Variants in PVT1 observed in about 807,000 individuals in gnomAD.
PVT1 encodes CXCR4/PVT1 fusion.
At position 127,960,559 on chromosome 8, in the gene PVT1, G is replaced by T. The variant is rs537762069; in HGVS notation, n.783-28603G>T. The T allele has an allele frequency of 6.7e-5, 26 of 385,330 alleles. 1 individual carries two copies. The highest frequency in any genetic ancestry group is 5.5e-4 in the South Asian group (26 of 47,594). 23.9% of individuals were successfully genotyped at this position (385,330 alleles called of 1,614,324 possible). A position where few individuals can be genotyped will look rare whatever the true frequency, so the allele number is the denominator to read the frequency against. ...TCAGTTGGTGGGAGATAGGATCTTT[G>T]TGGCCTTCTGGATGGATGCACCACG... On this transcript the variant is annotated intron_variant and non_coding_transcript_variant, in intron 3 of 10. Coordinates refer to ENST00000651587, the Ensembl canonical transcript of PVT1.
chr8:128,068,970 T>A (rs1159738057), intron 4 of PVT1, among the ~76,000 whole-genome samples: 1 of 152,256 alleles, frequency 6.6e-6, no homozygotes, highest in Admixed American at 6.5e-5. Context: ...ATGAGAAAGC[T>A]GTGTGACAAA....
intron 2 of PVT1, among the ~76,000 whole-genome samples, chr8:127,855,917 G>C (rs1332433937): frequency 6.6e-6 from 1 of 152,192 alleles, no homozygotes; most frequent in Non-Finnish European, 1.5e-5. Context: ...AGCGTCCCCT[G>C]GTCATGCCCC....
At chr8:127,839,591 A>T (rs552805813) in intron 2 of PVT1, among the ~76,000 whole-genome samples, 85 of 151,008 alleles carry the variant, frequency 5.6e-4, no homozygotes, top group African/African-American at 8.7e-4. Flanking sequence ...AAAATAAAAA[A>T]AAATAAATAA....
At chr8:128,000,544 C>T (rs182524582) in intron 4 of PVT1, among the ~76,000 whole-genome samples, 42 of 152,354 alleles carry the variant, frequency 2.8e-4, no homozygotes, top group African/African-American at 8.9e-4. Context: ...TCTGTGGCTG[C>T]TGATTATGGC....
At chr8:127,886,990 T>G (rs1332018324) in intron 2 of PVT1, among the ~76,000 whole-genome samples, 1 of 152,206 alleles carries the variant, frequency 6.6e-6, no homozygotes, top group African/African-American at 2.4e-5. Context: ...TTCAGTAATC[T>G]AAGACTTCAA....
At chr8:128,087,735 C>A (rs937764163) in intron 5 of PVT1, among the ~76,000 whole-genome samples, 5 of 146,388 alleles carry the variant, frequency 3.4e-5, no homozygotes, top group African/African-American at 1.3e-4. Flanking sequence ...TGCTGACATT[C>A]CTGATGTGCT....
In PVT1 at chr8:128,014,802, A is replaced by T. The variant is rs1480481013; in HGVS notation, n.912+25511A>T. ...AATGTGGACAGGAAAGCTAATGACA[A>T]ATGCAACTGGCTTATTTCTGGAGTG... On this transcript the variant is annotated intron_variant and non_coding_transcript_variant, in intron 4 of 10. Transcript: ENST00000651587. Among the ~76,000 whole-genome samples, 6 of 152,232 alleles carry T rather than the reference A, an allele frequency of 3.9e-5. No homozygotes were observed. In the East Asian group the frequency reaches 1.2e-3, roughly 29 times the overall value.
intron 2 of PVT1, among the ~76,000 whole-genome samples, chr8:127,889,037 TTTCTTCCTTCCTTCCTTC>T (rs1815563476): frequency 9.7e-4 from 28 of 28,870 alleles, no homozygotes; most frequent in Admixed American, 4.6e-3. Context: ...TCTCTCTTTC[TTTCTTCCTTCCTTCCTTC>T]CTTCCTTCCT....
chr8:127,872,006 C>G (rs1815356645), intron 2 of PVT1, among the ~76,000 whole-genome samples: 3 of 152,230 alleles, frequency 2.0e-5, no homozygotes, highest in Admixed American at 2.0e-4. Flanking sequence ...GCAGGAGAAT[C>G]ACTTGAAGCC....
chr8:128,043,049 C>A (rs1813564984), intron 4 of PVT1, among the ~76,000 whole-genome samples: 1 of 152,132 alleles, frequency 6.6e-6, no homozygotes, highest in Admixed American at 6.5e-5. Flanking sequence ...CAGGCGTGAG[C>A]CACTGTGCTC....
intron 4 of PVT1, among the ~76,000 whole-genome samples, chr8:128,004,532 A>G (rs1324946439): frequency 6.6e-6 from 1 of 152,070 alleles, no homozygotes; most frequent in Non-Finnish European, 1.5e-5. Flanking sequence ...CCGTTTTCCT[A>G]TTTGTAAAAT....
intron 4 of PVT1, among the ~76,000 whole-genome samples, chr8:128,035,056 T>C (rs1020162278): frequency 4.6e-5 from 7 of 151,994 alleles, no homozygotes; most frequent in African/African-American, 1.7e-4. Context: ...CAGGCAGGGG[T>C]AGGGGGCAAT....
chr8:127,972,442 A>G (rs917103350), intron 3 of PVT1, among the ~76,000 whole-genome samples: 2 of 152,204 alleles, frequency 1.3e-5, no homozygotes, highest in African/African-American at 4.8e-5. Flanking sequence ...TGCTTGAGTT[A>G]GATGTGCCCC....
chr8:128,070,483 G>A (rs1475721595), intron 5 of PVT1: 2 of 152,152 alleles, frequency 1.3e-5, no homozygotes, highest in African/African-American at 4.8e-5. Context: ...CTCTGTCCTC[G>A]CCAGCACCTG....
intron 4 of PVT1, among the ~76,000 whole-genome samples, chr8:128,043,830 CTTTTTTTTTT>C (rs1158046188): frequency 8.6e-6 from 1 of 116,294 alleles, no homozygotes; most frequent in Non-Finnish European, 1.8e-5. Context: ...AACATCTTGT[CTTTTTTTTTT>C]TTTTTTTTTT....
intron 4 of PVT1, among the ~76,000 whole-genome samples, chr8:128,066,065 G>A (rs1813907141): frequency 6.6e-6 from 1 of 152,244 alleles, no homozygotes; most frequent in Admixed American, 6.5e-5. Context: ...AAGATAATGA[G>A]AAGGAAAGTG....
chr8:127,845,052 G>T lies in PVT1; in HGVS notation n.373-45537G>T, dbSNP rs60864660. The stretch of plus-strand genomic sequence containing the variant: ...CATGCATCTCACTGCCTGGGACAGC[G>T]CCTGGAACCTAGCAGGTGTTTTATG... On this transcript the variant is annotated intron_variant and non_coding_transcript_variant, in intron 2 of 10. Transcript: ENST00000651587. Among the ~76,000 whole-genome samples the T allele has an allele frequency of 8.9e-3, 1,351 of 152,308 alleles. 26 individuals are homozygous for T. Among genetic ancestry groups the T allele is most frequent in the African/African-American group, 0.03 (1,266 of 41,558 alleles).
intron 2 of PVT1, among the ~76,000 whole-genome samples, chr8:127,847,608 A>T (rs1815050911): frequency 6.6e-6 from 1 of 152,246 alleles, no homozygotes; most frequent in African/African-American, 2.4e-5. Flanking sequence ...CTGGCAAATG[A>T]TGACACATTG....
chr8:128,031,261 T>A (rs1813383770), intron 4 of PVT1, among the ~76,000 whole-genome samples: 2 of 152,222 alleles, frequency 1.3e-5, no homozygotes, highest in Admixed American at 1.3e-4. Context: ...TGTGGCTTTG[T>A]ATTTGCTGCC....
Sources: allele counts gnomAD v4.1 joint callset (sites outside exome capture counted in the v4.1 genomes callset), GRCh38; gene constraint gnomAD v4.1.1; transcripts MANE v1.5; gene names NCBI Gene and HGNC (gene_info 2026-07-23, HGNC 2026-07-21).